The following KXD1 variants were observed in gnomAD, a reference collection of about 807,000 sequenced individuals.
KXD1 encodes the protein kxDL motif-containing protein 1.
In KXD1, 5 loss-of-function variants were observed where a neutral mutation model predicts 12.1. The ratio of observed to expected loss-of-function variants is 0.41; its 90% CI spans 0.22 to 0.87. KXD1 has a LOEUF of 0.87. KXD1 is among the 40% of genes least tolerant of loss of function. KXD1 has a pLI of 0.31. For synonymous variants in KXD1, 98 were observed against 100.5 expected (o/e 0.98, Z 0.15); for missense variants, 193 against 244.9 (o/e 0.79, Z 1.41).
At position 18,560,487 on chromosome 19, in the gene KXD1, T is replaced by C. The variant is rs191418705; in HGVS notation, c.-21-1549T>C. On this transcript the variant is annotated intron_variant, in intron 1 of 4. Transcript: ENST00000222307. ...AAGTCCCTGCCTGCCATTACGGTCA[T>C]CTGTGTGCCAGCAAAACTGGGAACC... The C allele has an allele frequency of 4.7e-3, 723 of 152,376 alleles. 6 individuals carry two copies. Among genetic ancestry groups the C allele is most frequent in the Non-Finnish European group, 5.6e-3 (383 of 68,080 alleles). 9.4% of individuals were successfully genotyped at this position (152,376 alleles called of 1,614,324 possible).
intron 3 of KXD1, 81 bp from the exon 4 acceptor site, chr19:18,567,051 G>C (rs1975278835): frequency 4.5e-6 from 6 of 1,340,036 alleles, no homozygotes; most frequent in Non-Finnish European, 6.4e-6. Context: ...CCCTCAGCTG[G>C]CAGCAGGGGC....
At chr19:18,564,423 C>T (rs1369470587) in intron 2 of KXD1, among the ~76,000 whole-genome samples, 1 of 152,016 alleles carries the variant, frequency 6.6e-6, no homozygotes, top group African/African-American at 2.4e-5. Context: ...AGATCGAGAC[C>T]ATCCTGGCTA....
intron 4 of KXD1, among the ~76,000 whole-genome samples, chr19:18,567,889 C>T (rs780791553): frequency 6.6e-6 from 1 of 152,200 alleles, no homozygotes; most frequent in Non-Finnish European, 1.5e-5. Context: ...GGCCTAACCC[C>T]AGATCTTGTG....
intron 1 of KXD1, chr19:18,558,609 G>T (rs1977011098): frequency 6.6e-6 from 1 of 152,192 alleles, no homozygotes; most frequent in African/African-American, 2.4e-5. Flanking sequence ...AGCACTGTGA[G>T]ATCTTCATTC....
chr19:18,566,067 A>C (rs996446854), intron 3 of KXD1, among the ~76,000 whole-genome samples: 1 of 151,946 alleles, frequency 6.6e-6, no homozygotes, highest in Non-Finnish European at 1.5e-5. Flanking sequence ...CTGGCCTCAG[A>C]TGATCCATCC....
intron 2 of KXD1, 65 bp from the exon 3 acceptor site, chr19:18,564,804 C>G (rs1396315389): frequency 1.0e-5 from 16 of 1,585,272 alleles, no homozygotes; most frequent in South Asian, 2.2e-5. Context: ...GAACAGTCTT[C>G]TGGGCCAGGT....
chr19:18,563,500 C>A (rs1007222263), intron 2 of KXD1, among the ~76,000 whole-genome samples: 1 of 152,060 alleles, frequency 6.6e-6, no homozygotes, highest in Non-Finnish European at 1.5e-5. Context: ...CATGCACCAC[C>A]ATGCCTGGCT....
intron 3 of KXD1, chr19:18,565,239 T>G (rs1015958091): frequency 2.8e-5 from 37 of 1,338,464 alleles, no homozygotes; most frequent in Admixed American, 1.6e-4. Context: ...AGTTTTTTTT[T>G]TTTTTTTGGA....
intron 1 of KXD1, chr19:18,559,421 C>G (rs1197611628): frequency 6.6e-6 from 1 of 152,094 alleles, no homozygotes; most frequent in Non-Finnish European, 1.5e-5. Flanking sequence ...CACCTTATTT[C>G]TAGAAGGTGC....
chr19:18,565,052 G>T, intron 3 of KXD1, 31 bp downstream of exon 3: 1 of 1,593,610 alleles, frequency 6.3e-7, no homozygotes. Context: ...CAGCCCAGCT[G>T]ACCTCTGCCT....
chr19:18,565,312 C>G, intron 3 of KXD1: 1 of 611,722 alleles, frequency 1.6e-6, no homozygotes, highest in East Asian at 3.2e-5. Flanking sequence ...TCACTGCAAG[C>G]TCCGCTTCCC....
Position 18,569,092 on chromosome 19 carries a change from C to T in KXD1, c.*461C>T, listed in dbSNP as rs1025429450. The T allele has an allele frequency of 3.0e-5, 5 of 168,018 alleles. No individual in the cohort carries two copies. Among genetic ancestry groups the T allele is most frequent in the Admixed American group, 1.1e-4 (2 of 17,950 alleles). The allele number at this position is 168,018 out of a possible 1,614,324, so 10.4% of individuals were successfully genotyped here. On this transcript the variant is annotated 3_prime_UTR_variant, in exon 5 of 5. Transcript: ENST00000222307. ...ATTCTGCTTTTCCTGCCCCTTGCTCCGTAAAAGTATCAAATACTTTCTCCT... is the reference window on the plus strand; with the variant it reads ...ATTCTGCTTTTCCTGCCCCTTGCTCTGTAAAAGTATCAAATACTTTCTCCT...
At chr19:18,566,761 C>A (rs1434993537) in intron 3 of KXD1, among the ~76,000 whole-genome samples, 2 of 151,806 alleles carry the variant, frequency 1.3e-5, no homozygotes, top group South Asian at 4.2e-4. Flanking sequence ...CCACTGCACT[C>A]CACCCTGGGC....
intron 3 of KXD1, 23 bp downstream of exon 3, chr19:18,565,044 G>GGGA (rs10692700): frequency 3.8e-6 from 6 of 1,596,738 alleles, no homozygotes; most frequent in Non-Finnish European, 5.1e-6. Context: ...TGCCACCCCA[G>GGGA]CCCAGCTGAC....
intron 1 of KXD1, chr19:18,560,061 G>T (rs554835509): frequency 7.0e-6 from 1 of 143,220 alleles, no homozygotes; most frequent in African/African-American, 2.6e-5. Flanking sequence ...CTGGAGTGTA[G>T]TGGCATGATC....
At position 18,564,931 on chromosome 19, in the gene KXD1, G is replaced by T. The variant is rs1176601081; in HGVS notation, c.164G>T (p.Arg55Leu). Residue 55 changes from arginine to leucine, a missense_variant, in exon 3 of 5, where the codon CGC (arginine) becomes CTC (leucine). Arg to Leu is a moderately radical substitution (Grantham distance 102). Coordinates refer to ENST00000222307, the MANE Select transcript of KXD1 (RefSeq NM_024069.4). The part of the protein sequence containing the change: ...LLNFNNLSSA[R>L]LQQMSERFLH... ...AACTTCAACAACCTGTCCAGTGCCC[G>T]CCTGCAGCAGATGAGCGAACGCTTC... 1 of 1,613,544 alleles carries T rather than the reference G, an allele frequency of 6.2e-7. No homozygotes were observed. The highest frequency in any genetic ancestry group is 8.5e-7 in the Non-Finnish European group (1 of 1,180,030).
chr19:18,559,713 G>T (rs1974847038), intron 1 of KXD1: 2 of 152,172 alleles, frequency 1.3e-5, no homozygotes, highest in South Asian at 2.1e-4. Context: ...TTCACTGGCT[G>T]TGTGACAGTG....
Position 18,564,951 on chromosome 19 carries a change from C to T in KXD1, c.184C>T (p.Arg62Cys), listed in dbSNP as rs1370440647. 4.3e-6 allele frequency: 7 copies of T among 1,613,014 alleles called. No individual in the cohort carries two copies. The highest frequency in any genetic ancestry group is 1.1e-5 in the South Asian group (1 of 91,086). ...SSARLQQMSE[R>C]FLHHTRTLVE... ...TGCCCGCCTGCAGCAGATGAGCGAA[C>T]GCTTCCTGCACCACACGAGGACCCT... The change falls in exon 3 of 5, where the codon CGC becomes TGC. Residue 62 changes from arginine (R) to cysteine (C), a missense_variant. Coordinates refer to ENST00000222307, the MANE Select transcript of KXD1 (RefSeq NM_024069.4).
chr19:18,561,129 G>A (rs1485326063), intron 1 of KXD1, among the ~76,000 whole-genome samples: 4 of 152,122 alleles, frequency 2.6e-5, no homozygotes, highest in African/African-American at 4.8e-5. Context: ...GTGGCTGGGC[G>A]CAGTGGCTCA....
Sources: allele counts gnomAD v4.1 joint callset (sites outside exome capture counted in the v4.1 genomes callset), GRCh38; gene constraint gnomAD v4.1.1; transcripts MANE v1.5; gene names NCBI Gene and HGNC (gene_info 2026-07-23, HGNC 2026-07-21).